PAPSS1: variants seen among roughly 807,000 people sequenced by gnomAD.
PAPSS1 encodes 3'-phosphoadenosine 5'-phosphosulfate synthase 1.
Under a neutral mutation model 72.0 loss-of-function variants are expected in PAPSS1, and 50 were observed. The ratio of observed to expected loss-of-function variants is 0.69; its 90% CI spans 0.55 to 0.88. The LOEUF is 0.88. PAPSS1 is among the 40% of genes least tolerant of loss of function. PAPSS1 has a pLI of 0.00. For missense variants in PAPSS1, 657 were observed against 782.2 expected (o/e 0.84, Z 1.91); for synonymous variants, 261 against 263.6 (o/e 0.99, Z 0.09).
intron 11 of PAPSS1, among the ~76,000 whole-genome samples, chr4:107,616,545 G>A (rs1447224071): frequency 6.6e-6 from 1 of 152,186 alleles, no homozygotes; most frequent in East Asian, 1.9e-4. Context: ...AAATATGAAA[G>A]GATAAATAGG....
intron 11 of PAPSS1, among the ~76,000 whole-genome samples, chr4:107,621,388 AAAGAG>A (rs1725950069): frequency 6.6e-6 from 1 of 152,166 alleles, no homozygotes; most frequent in Non-Finnish European, 1.5e-5. Context: ...ATTAATGTAT[AAAGAG>A]AATAAAAGCA....
Position 107,720,215 on chromosome 4 carries a change from C to T in PAPSS1, c.-36G>A, listed in dbSNP as rs778228240. ...CGCGCTGAGCAGCCGGGGTTCTCTG[C>T]GCCGGGAGGGTAGCAAGAGGAGGGC... is the stretch of plus-strand genomic sequence containing the variant. On this transcript the variant is annotated 5_prime_UTR_variant, in exon 1 of 12. Coordinates refer to ENST00000265174, the MANE Select transcript of PAPSS1 (RefSeq NM_005443.5). 3.8e-6 allele frequency: 6 copies of T among 1,584,984 alleles called. No homozygotes were observed. The South Asian group carries it at 5.7e-5, about 15-fold the overall frequency.
At chr4:107,647,987 T>C (rs974679519) in intron 9 of PAPSS1, among the ~76,000 whole-genome samples, 2 of 152,208 alleles carry the variant, frequency 1.3e-5, no homozygotes, top group Non-Finnish European at 2.9e-5. Context: ...TTTCCCTCAA[T>C]TCTTCTACCT....
chr4:107,631,117 G>A (rs1027816469), intron 11 of PAPSS1, among the ~76,000 whole-genome samples: 3 of 152,006 alleles, frequency 2.0e-5, no homozygotes, highest in African/African-American at 7.2e-5. Context: ...CATCCCCAAG[G>A]TACCTCATTC....
intron 11 of PAPSS1, among the ~76,000 whole-genome samples, chr4:107,628,124 C>T (rs1726145368): frequency 6.6e-6 from 1 of 152,154 alleles, no homozygotes; most frequent in Admixed American, 6.5e-5. Context: ...TCCTTTTACA[C>T]TTGCCTTTTC....
chr4:107,698,369 T>C (rs1327665773), intron 2 of PAPSS1, among the ~76,000 whole-genome samples: 2 of 152,234 alleles, frequency 1.3e-5, no homozygotes, highest in East Asian at 3.8e-4. Flanking sequence ...TAATCTATTA[T>C]ACAGAATACT....
intron 10 of PAPSS1, among the ~76,000 whole-genome samples, chr4:107,643,643 G>T (rs1401225714): frequency 6.6e-6 from 1 of 152,170 alleles, no homozygotes; most frequent in Non-Finnish European, 1.5e-5. Context: ...ATGTTAATGT[G>T]AGGGTACCGA....
chr4:107,687,094 A>G lies in PAPSS1; in HGVS notation c.495T>C (p.Cys165=). Residue 165 remains cysteine, a synonymous_variant, in exon 4 of 12, where the codon TGT becomes TGC. Coordinates refer to ENST00000265174, the MANE Select transcript of PAPSS1 (RefSeq NM_005443.5). ...AGAGTCCTTTGACATCCCTCTGTTC[A>G]CAAACATGCAGAGGAGCATCAACAA... ...EVFVDAPLHV[C]EQRDVKGLYK... 6.2e-7 allele frequency: 1 copy of G among 1,605,298 alleles called. No homozygotes were observed. The highest frequency in any genetic ancestry group is 8.5e-7 in the Non-Finnish European group (1 of 1,176,906).
At chr4:107,673,224 G>A (rs886857916) in intron 5 of PAPSS1, among the ~76,000 whole-genome samples, 7 of 152,312 alleles carry the variant, frequency 4.6e-5, no homozygotes, top group South Asian at 2.1e-4. Context: ...TGACTTTGAC[G>A]AGTTGAGAGA....
intron 11 of PAPSS1, among the ~76,000 whole-genome samples, chr4:107,629,586 C>G (rs1726180686): frequency 6.6e-6 from 1 of 152,156 alleles, no homozygotes; most frequent in South Asian, 2.1e-4. Context: ...CAAGTGGGAT[C>G]AAGATCCTGG....
At chr4:107,632,225 C>T (rs1308160441) in intron 10 of PAPSS1, among the ~76,000 whole-genome samples, 5 of 152,042 alleles carry the variant, frequency 3.3e-5, no homozygotes, top group Admixed American at 6.5e-5. Context: ...AGGATAATGG[C>T]TGATCCCTGG....
In PAPSS1 at chr4:107,614,399, GA is replaced by G. The variant is rs1725766828; in HGVS notation, c.1737-13del. 6.3e-7 allele frequency: 1 copy of G among 1,581,680 alleles called. No individual in the cohort carries two copies. The highest frequency in any genetic ancestry group is 8.6e-7 in the Non-Finnish European group (1 of 1,163,836). On this transcript the variant is annotated splice_polypyrimidine_tract_variant and intron_variant, in intron 11 of 11. Transcript: ENST00000265174. Reference sequence around the variant, plus strand: ...CAAAGTCTTCATGGCTAAAGGAGAGGAAAAAAAGAAAATTATTTCATAATTT... The same window carrying G: ...CAAAGTCTTCATGGCTAAAGGAGAGGAAAAAAGAAAATTATTTCATAATTT...
chr4:107,709,533 T>C (rs1578438075), intron 1 of PAPSS1, among the ~76,000 whole-genome samples: 1 of 152,204 alleles, frequency 6.6e-6, no homozygotes, highest in South Asian at 2.1e-4. Context: ...GGTGTAAACA[T>C]AAATGATTAC....
intron 7 of PAPSS1, 139 bp downstream of exon 7, chr4:107,656,757 G>A (rs1727022520): frequency 1.1e-5 from 7 of 628,744 alleles, no homozygotes; most frequent in Admixed American, 2.9e-5. Flanking sequence ...TAAAGTGTTC[G>A]GTACTGATAT....
chr4:107,685,328 C>A (rs1722752268), intron 4 of PAPSS1, among the ~76,000 whole-genome samples: 1 of 152,134 alleles, frequency 6.6e-6, no homozygotes, highest in Non-Finnish European at 1.5e-5. Context: ...TCCCTGCTCA[C>A]AAGTAGCCTA....
intron 8 of PAPSS1, 96 bp from the exon 9 acceptor site, chr4:107,653,722 TCTCATCTTA>T (rs559257068): frequency 6.4e-5 from 58 of 907,400 alleles, no homozygotes; most frequent in Non-Finnish European, 9.0e-5. Flanking sequence ...TGTAAGCTAC[TCTCATCTTA>T]AATGAGGTAA....
chr4:107,709,754 C>G (rs1309955709), intron 1 of PAPSS1, among the ~76,000 whole-genome samples: 2 of 152,224 alleles, frequency 1.3e-5, no homozygotes, highest in African/African-American at 4.8e-5. Flanking sequence ...TTCCACACCC[C>G]TATGATTACA....
chr4:107,709,998 C>T (rs1723445090), intron 1 of PAPSS1, among the ~76,000 whole-genome samples: 1 of 152,180 alleles, frequency 6.6e-6, no homozygotes, highest in African/African-American at 2.4e-5. Context: ...AAGTGGTAGA[C>T]TTAGGCCTGA....
intron 9 of PAPSS1, among the ~76,000 whole-genome samples, chr4:107,648,649 G>T (rs1175123949): frequency 6.6e-6 from 1 of 152,186 alleles, no homozygotes; most frequent in Non-Finnish European, 1.5e-5. Flanking sequence ...CCCACCCAAG[G>T]TTTCTATCTG....
Sources: allele counts gnomAD v4.1 joint callset (sites outside exome capture counted in the v4.1 genomes callset), GRCh38; gene constraint gnomAD v4.1.1; transcripts MANE v1.5; gene names NCBI Gene and HGNC (gene_info 2026-07-23, HGNC 2026-07-21).